GAS7: variants seen among roughly 807,000 people sequenced by gnomAD.
GAS7 encodes growth arrest specific 7, also known as growth arrest-specific protein 7.
Under a neutral mutation model 71.1 loss-of-function variants are expected in GAS7, and 28 were observed. That is an observed-to-expected ratio of 0.39 (90% CI 0.29 to 0.54). GAS7 has a LOEUF of 0.54. GAS7 is among the 20% of genes least tolerant of loss of function. The pLI is 0.62. For missense variants in GAS7, 436 were observed against 627.8 expected, an observed-to-expected ratio of 0.69 and a Z score of 3.27; for synonymous variants, 258 against 245.8, an observed-to-expected ratio of 1.05 and a Z score of -0.46.
At chr17:9,943,795 G>A (rs2068693702) in intron 6 of GAS7, among the ~76,000 whole-genome samples, 1 of 152,212 alleles carries the variant, frequency 6.6e-6, no homozygotes, top group Non-Finnish European at 1.5e-5. Flanking sequence ...GGAGAGAACA[G>A]GACAGGCTGC....
At chr17:10,085,691 CAA>C (rs1194345705) in intron 1 of GAS7, among the ~76,000 whole-genome samples, 2 of 58,248 alleles carry the variant, frequency 3.4e-5, no homozygotes, top group Non-Finnish European at 6.3e-5. Flanking sequence ...GATTCCGTCT[CAA>C]AAAAAAAAAA....
At chr17:10,079,176 T>C (rs2073428956) in intron 1 of GAS7, among the ~76,000 whole-genome samples, 1 of 152,174 alleles carries the variant, frequency 6.6e-6, no homozygotes, top group Non-Finnish European at 1.5e-5. Flanking sequence ...TAAAGCCCCA[T>C]TGTTACAAGT....
intron 1 of GAS7, among the ~76,000 whole-genome samples, chr17:10,120,404 C>T (rs553237204): frequency 3.3e-5 from 5 of 152,280 alleles, no homozygotes; most frequent in Admixed American, 6.5e-5. Flanking sequence ...AATGGTTCCA[C>T]GAGACCAGGA....
chr17:10,085,065 C>G (rs1464596339), intron 1 of GAS7, among the ~76,000 whole-genome samples: 1 of 152,218 alleles, frequency 6.6e-6, no homozygotes, highest in Non-Finnish European at 1.5e-5. Context: ...CTTATTATTC[C>G]TACTTCCTGG....
chr17:10,138,108 G>A (rs905093048), intron 1 of GAS7, among the ~76,000 whole-genome samples: 2 of 151,748 alleles, frequency 1.3e-5, no homozygotes, highest in African/African-American at 2.4e-5. Flanking sequence ...GACTACAGGC[G>A]CCCACCACAG....
intron 1 of GAS7, among the ~76,000 whole-genome samples, chr17:10,127,502 C>T (rs1040820815): frequency 1.3e-5 from 2 of 152,182 alleles, no homozygotes; most frequent in African/African-American, 2.4e-5. Context: ...GCCCCAGCAC[C>T]TCATCAAACA....
chr17:9,927,788 G>A (rs539337887), intron 9 of GAS7, among the ~76,000 whole-genome samples: 19 of 152,322 alleles, frequency 1.2e-4, no homozygotes, highest in African/African-American at 4.3e-4. Flanking sequence ...AGGTGAGCTA[G>A]ACAGGGTCCA....
rs920747913 is a variant in GAS7, at chr17:9,929,724, G to A, written c.886-2955C>T. On this transcript the variant is annotated intron_variant, in intron 9 of 13. Coordinates refer to ENST00000432992, the MANE Select transcript of GAS7 (RefSeq NM_201433.2). ...GATCTCCTGACCTCATGATCCGCCC[G>A]CCTCGGCCTCCCAAAGTGCTGGGAT... Among the ~76,000 whole-genome samples the A allele has an allele frequency of 7.2e-5, 11 of 152,032 alleles. No individual in the cohort carries two copies. The East Asian group carries it at 9.6e-4, about 13-fold the overall frequency.
intron 9 of GAS7, among the ~76,000 whole-genome samples, chr17:9,928,633 C>T (rs930829009): frequency 3.9e-5 from 6 of 152,230 alleles, no homozygotes; most frequent in African/African-American, 9.6e-5. Flanking sequence ...GATATCCCAA[C>T]GAGGGTTCTG....
At chr17:10,158,336 T>TTA (rs532036477) in intron 1 of GAS7, among the ~76,000 whole-genome samples, 5 of 83,404 alleles carry the variant, frequency 6.0e-5, no homozygotes, top group Non-Finnish European at 1.2e-4. Context: ...CTTTTTTTGG[T>TTA]AAAAAAAAAA....
intron 2 of GAS7, among the ~76,000 whole-genome samples, chr17:10,006,470 C>T (rs924811978): frequency 7.2e-5 from 11 of 151,850 alleles, no homozygotes; most frequent in Admixed American, 5.9e-4. Flanking sequence ...GCTGGGACTA[C>T]AGGCGCCTGC....
At chr17:10,092,861 T>C (rs1811343466) in intron 1 of GAS7, among the ~76,000 whole-genome samples, 1 of 152,178 alleles carries the variant, frequency 6.6e-6, no homozygotes, top group South Asian at 2.1e-4. Flanking sequence ...TCTGTATGTG[T>C]TGGCAAAATC....
At chr17:10,061,278 T>C (rs1211345452) in intron 1 of GAS7, 2 of 152,204 alleles carry the variant, frequency 1.3e-5, no homozygotes, top group Non-Finnish European at 2.9e-5. Flanking sequence ...CACACAGAGA[T>C]GACGGATTAC....
intron 1 of GAS7, among the ~76,000 whole-genome samples, chr17:10,072,685 C>T (rs187060880): frequency 2.6e-5 from 4 of 152,150 alleles, no homozygotes; most frequent in South Asian, 4.1e-4. Flanking sequence ...AACCCTACCC[C>T]GATCCACAGG....
At chr17:10,189,419 C>T (rs570431672) in intron 1 of GAS7, among the ~76,000 whole-genome samples, 3 of 152,256 alleles carry the variant, frequency 2.0e-5, no homozygotes, top group Admixed American at 6.5e-5. Flanking sequence ...TCCGAAGATG[C>T]CACCCACTTC....
intron 1 of GAS7, among the ~76,000 whole-genome samples, chr17:10,167,492 C>T (rs1419978422): frequency 6.6e-6 from 1 of 152,158 alleles, no homozygotes; most frequent in Non-Finnish European, 1.5e-5. Context: ...CTGTAAGGGC[C>T]GGTTACTGAG....
At chr17:10,052,390 T>A (rs1407175926) in intron 1 of GAS7, among the ~76,000 whole-genome samples, 1 of 152,102 alleles carries the variant, frequency 6.6e-6, no homozygotes, top group East Asian at 1.9e-4. Flanking sequence ...GGAAGCCTCA[T>A]TAACTAGTGG....
At chr17:10,151,407 C>T (rs1394734340) in intron 1 of GAS7, among the ~76,000 whole-genome samples, 1 of 151,766 alleles carries the variant, frequency 6.6e-6, no homozygotes, top group African/African-American at 2.4e-5. Flanking sequence ...TCTAACAATA[C>T]TGTTTTCTAA....
Position 10,084,347 on chromosome 17 carries a change from A to G in GAS7, c.184-64450T>C, listed in dbSNP as rs532588085. ...AATCATAGTGGTCCTATTAGAAGTC[A>G]AAGGGTCCGTTGAGATCAGCTGGTC... On this transcript the variant is annotated intron_variant, in intron 1 of 13. Transcript: ENST00000432992. 1.1e-4 allele frequency among the ~76,000 whole-genome samples: 16 copies of G among 152,302 alleles called. No individual in the cohort carries two copies. In the East Asian group the frequency reaches 2.9e-3, roughly 28 times the overall value.
Sources: gnomAD v4.1 joint callset for allele counts (sites outside exome capture counted in the v4.1 genomes callset) on GRCh38, gnomAD v4.1.1 for gene constraint, MANE v1.5 for transcripts, NCBI Gene and HGNC (gene_info 2026-07-23, HGNC 2026-07-21) for gene names.